LRRC4C: variants seen among roughly 807,000 people sequenced by gnomAD.
LRRC4C encodes leucine-rich repeat-containing protein 4C.
A neutral mutation model predicts 33.6 loss-of-function variants in LRRC4C; 5 were observed. The ratio of observed to expected loss-of-function variants is 0.15; its 90% confidence interval spans 0.08 to 0.31. The LOEUF is 0.31. Among genes scored for constraint, LRRC4C ranks in the 10% least tolerant of loss-of-function variants. The pLI is 1.00. For missense variants in LRRC4C, 560 were observed against 796.7 expected, an observed-to-expected ratio of 0.70 and a Z score of 3.58; for synonymous variants, 329 against 302.0, an observed-to-expected ratio of 1.09 and a Z score of -0.93.
At chr11:41,296,005 TAA>T (rs1355128023) in intron 1 of LRRC4C, among the ~76,000 whole-genome samples, 5 of 152,210 alleles carry the variant, frequency 3.3e-5, no homozygotes, top group Non-Finnish European at 5.9e-5. Context: ...TATGAGTAAA[TAA>T]AATCCCATGT....
At chr11:40,999,533 A>C (rs899659160) in intron 1 of LRRC4C, among the ~76,000 whole-genome samples, 21 of 152,172 alleles carry the variant, frequency 1.4e-4, no homozygotes, top group African/African-American at 5.1e-4. Flanking sequence ...AAGTGCCTAA[A>C]ACATGGGCTC....
intron 3 of LRRC4C, among the ~76,000 whole-genome samples, chr11:40,577,974 A>G (rs1189750415): frequency 6.6e-6 from 1 of 150,650 alleles, no homozygotes; most frequent in East Asian, 1.9e-4. Flanking sequence ...AGCTGGGACT[A>G]CAGGTACCCT....
intron 1 of LRRC4C, among the ~76,000 whole-genome samples, chr11:41,088,696 T>C (rs1313258879): frequency 6.6e-6 from 1 of 152,098 alleles, no homozygotes; most frequent in Non-Finnish European, 1.5e-5. Context: ...TGGTAATTGA[T>C]TCCTTATTTA....
chr11:40,665,747 T>C (rs1173304815), intron 2 of LRRC4C, among the ~76,000 whole-genome samples: 1 of 152,142 alleles, frequency 6.6e-6, no homozygotes, highest in Non-Finnish European at 1.5e-5. Flanking sequence ...CTATTTCCTA[T>C]AACCGTTCTG....
intron 1 of LRRC4C, among the ~76,000 whole-genome samples, chr11:41,351,274 C>T (rs74567504): frequency 2.1e-4 from 32 of 149,778 alleles, no homozygotes; most frequent in African/African-American, 7.6e-4. Flanking sequence ...CACACACATA[C>T]ATTTTCCACA....
rs116352542 is a variant in LRRC4C at position 40,851,936 on chromosome 11, T to C, written c.-407+81699A>G. Among the ~76,000 whole-genome samples, 780 of 152,310 alleles carry C rather than the reference T, an allele frequency of 5.1e-3. 11 individuals are homozygous for C. Among genetic ancestry groups the C allele is most frequent in the African/African-American group, 0.017 (720 of 41,580 alleles). On this transcript the variant is annotated intron_variant, in intron 2 of 6. Coordinates refer to ENST00000528697, the MANE Select transcript of LRRC4C (RefSeq NM_001258419.2). ...TTAATCAGTATTTTCTGTTCCCTGC[T>C]ATTGCAAACAAACTCATTTAAAAGG...
chr11:40,242,638 A>AT (rs771694414), intron 4 of LRRC4C, among the ~76,000 whole-genome samples: 1 of 152,182 alleles, frequency 6.6e-6, no homozygotes, highest in Admixed American at 6.5e-5. Flanking sequence ...GATTCGGTTC[A>AT]TTTTTATGAC....
At chr11:40,476,530 G>A (rs1335617404) in intron 3 of LRRC4C, among the ~76,000 whole-genome samples, 6 of 151,622 alleles carry the variant, frequency 4.0e-5, no homozygotes, top group African/African-American at 1.2e-4. Context: ...ATTTTTACTA[G>A]AGACAGGTTT....
intron 2 of LRRC4C, among the ~76,000 whole-genome samples, chr11:40,693,974 C>T (rs1382680981): frequency 1.3e-5 from 2 of 152,050 alleles, no homozygotes; most frequent in Non-Finnish European, 2.9e-5. Flanking sequence ...ATTTGCCCTG[C>T]GGGGTGTAAA....
At chr11:41,407,733 G>A (rs780152330) in intron 1 of LRRC4C, among the ~76,000 whole-genome samples, 11 of 152,124 alleles carry the variant, frequency 7.2e-5, no homozygotes, top group East Asian at 1.9e-4. Context: ...AGCTAATATC[G>A]AGAATCTATA....
intron 3 of LRRC4C, among the ~76,000 whole-genome samples, chr11:40,342,353 C>T (rs1382067747): frequency 6.6e-6 from 1 of 152,104 alleles, no homozygotes; most frequent in Non-Finnish European, 1.5e-5. Context: ...CCTCTAGTCC[C>T]AGCTACTCAG....
chr11:40,254,751 C>A (rs1867067744), intron 4 of LRRC4C, among the ~76,000 whole-genome samples: 1 of 152,106 alleles, frequency 6.6e-6, no homozygotes, highest in African/African-American at 2.4e-5. Context: ...TGTCTCTTAG[C>A]TTACTAGAGG....
chr11:41,339,415 A>C (rs1301836131), intron 1 of LRRC4C, among the ~76,000 whole-genome samples: 2 of 152,176 alleles, frequency 1.3e-5, no homozygotes, highest in African/African-American at 4.8e-5. Context: ...TGTAACTCTT[A>C]GTAAGCTTTG....
At chr11:40,519,728 C>T (rs778097771) in intron 3 of LRRC4C, among the ~76,000 whole-genome samples, 4 of 152,106 alleles carry the variant, frequency 2.6e-5, no homozygotes, top group South Asian at 2.1e-4. Context: ...TAAGAACATT[C>T]GTGATTCATG....
chr11:40,900,923 G>A (rs2136188092), intron 2 of LRRC4C, among the ~76,000 whole-genome samples: 1 of 151,990 alleles, frequency 6.6e-6, no homozygotes, highest in East Asian at 1.9e-4. Context: ...GAACTAGAAA[G>A]TTATCTGTCA....
rs142106807 is a variant in LRRC4C at position 40,337,853 on chromosome 11, G to A, written c.-269-18132C>T. ...CTTCCCCTTCTCCACCCTCTGATAC[G>A]CCCCAGTGTGCGTTCTTCCCTTCTA... On this transcript the variant is annotated intron_variant, in intron 3 of 6. Transcript: ENST00000528697. Among the ~76,000 whole-genome samples the A allele has an allele frequency of 5.2e-4, 79 of 151,878 alleles. 3 individuals carry two copies. The South Asian group carries it at 6.5e-3, about 12-fold the overall frequency.
intron 2 of LRRC4C, among the ~76,000 whole-genome samples, chr11:40,907,005 GT>G (rs1003807952): frequency 2.0e-5 from 3 of 152,180 alleles, no homozygotes; most frequent in Non-Finnish European, 4.4e-5. Context: ...ATTTATTTTA[GT>G]GTATGGAGTT....
intron 1 of LRRC4C, among the ~76,000 whole-genome samples, chr11:41,458,688 T>A (rs975336596): frequency 1.3e-5 from 2 of 151,606 alleles, no homozygotes; most frequent in African/African-American, 4.8e-5. Flanking sequence ...TTAAGAGCAA[T>A]TTTCAAGCAC....
chr11:40,167,730 T>C (rs1306164324), intron 5 of LRRC4C, among the ~76,000 whole-genome samples: 1 of 152,066 alleles, frequency 6.6e-6, no homozygotes, highest in Non-Finnish European at 1.5e-5. Flanking sequence ...AGGAAGTCTC[T>C]TGTGGTAGGG....
Sources: allele counts gnomAD v4.1 joint callset (sites outside exome capture counted in the v4.1 genomes callset), GRCh38; gene constraint gnomAD v4.1.1; transcripts MANE v1.5; gene names NCBI Gene and HGNC (gene_info 2026-07-23, HGNC 2026-07-21).